Variants in DENND6A observed in about 807,000 individuals in gnomAD.
DENND6A encodes DENN domain containing 6A.
A neutral mutation model predicts 95.5 loss-of-function variants in DENND6A; 43 were observed. That is an observed-to-expected ratio of 0.45 (90% CI 0.35 to 0.58). The LOEUF (loss-of-function observed/expected upper bound fraction) is 0.58, where lower values mean the gene tolerates loss of function less well. Among genes scored for constraint, DENND6A ranks in the 20% least tolerant of loss-of-function variants. The pLI, the probability that DENND6A is intolerant of heterozygous loss-of-function variation, is 0.00. For synonymous variants in DENND6A, 257 were observed against 260.4 expected, an observed-to-expected ratio of 0.99 and a Z score of 0.13; for missense variants, 574 against 736.0, an observed-to-expected ratio of 0.78 and a Z score of 2.55.
chr3:57,677,341 G>T (rs1018890565), intron 1 of DENND6A, among the ~76,000 whole-genome samples: 1 of 151,446 alleles, frequency 6.6e-6, no homozygotes, highest in Non-Finnish European at 1.5e-5. Flanking sequence ...CCTTGAGTCA[G>T]GCTTACCTGT....
intron 12 of DENND6A, among the ~76,000 whole-genome samples, chr3:57,639,131 A>G (rs1456756850): frequency 2.6e-5 from 4 of 152,190 alleles, no homozygotes; most frequent in African/African-American, 9.6e-5. Context: ...ATTTAAATAG[A>G]CATTTCACCA....
intron 9 of DENND6A, among the ~76,000 whole-genome samples, chr3:57,651,088 C>T (rs1346310102): frequency 6.6e-6 from 1 of 152,112 alleles, no homozygotes; most frequent in African/African-American, 2.4e-5. Context: ...CTGGCCCATC[C>T]ACATGGAATA....
At chr3:57,659,313 A>T in intron 7 of DENND6A, 133 bp from the exon 8 acceptor site, 1 of 838,634 alleles carries the variant, frequency 1.2e-6, no homozygotes, top group East Asian at 2.6e-5. Context: ...TGTCAGAGTT[A>T]AAAACTAAGG....
chr3:57,653,725 G>A (rs1479318330), intron 9 of DENND6A, among the ~76,000 whole-genome samples: 21 of 141,630 alleles, frequency 1.5e-4, no homozygotes, highest in Admixed American at 9.2e-4. Flanking sequence ...CGGCCTGGGC[G>A]ACAGAGCGAG....
At chr3:57,669,480 C>T (rs1034339142) in intron 3 of DENND6A, among the ~76,000 whole-genome samples, 2 of 151,900 alleles carry the variant, frequency 1.3e-5, no homozygotes, top group East Asian at 1.9e-4. Context: ...CTTTGGGAGG[C>T]GGAGGTGAGC....
chr3:57,662,978 G>A (rs2071452254), intron 5 of DENND6A, among the ~76,000 whole-genome samples: 1 of 150,294 alleles, frequency 6.7e-6, no homozygotes, highest in Non-Finnish European at 1.5e-5. Flanking sequence ...AATTAGCTGG[G>A]CATGGTAGTG....
chr3:57,690,428 T>TGGGAGGCGGAGCTTGCA (rs568305504), intron 1 of DENND6A, among the ~76,000 whole-genome samples: 129 of 152,044 alleles, frequency 8.5e-4, no homozygotes, highest in East Asian at 6.8e-3. Context: ...GGCGTGAACC[T>TGGGAGGCGGAGCTTGCA]GGGAGGCGGA....
At chr3:57,647,600 A>C (rs1029670759) in intron 9 of DENND6A, among the ~76,000 whole-genome samples, 2 of 152,192 alleles carry the variant, frequency 1.3e-5, no homozygotes, top group Non-Finnish European at 2.9e-5. Flanking sequence ...GTAGCATCAA[A>C]GACAGAATGA....
At chr3:57,682,108 C>A (rs1013847887) in intron 1 of DENND6A, among the ~76,000 whole-genome samples, 1 of 151,866 alleles carries the variant, frequency 6.6e-6, no homozygotes, top group Non-Finnish European at 1.5e-5. Flanking sequence ...ATTGTTAAAC[C>A]ATTTCCTATG....
chr3:57,646,483 C>A (rs369046167), intron 9 of DENND6A, 45 bp from the exon 10 acceptor site: 9 of 1,553,316 alleles, frequency 5.8e-6, no homozygotes, highest in African/African-American at 2.8e-5. Flanking sequence ...TGTAGCCAAT[C>A]CTGTTTTTAA....
intron 1 of DENND6A, chr3:57,679,544 C>G (rs2077141606): frequency 1.1e-5 from 11 of 985,272 alleles, no homozygotes; most frequent in Non-Finnish European, 1.3e-5. Flanking sequence ...TCTTAAGAGG[C>G]AGTGGGGAAG....
intron 9 of DENND6A, among the ~76,000 whole-genome samples, chr3:57,648,010 C>T (rs1274619013): frequency 6.6e-6 from 1 of 151,896 alleles, no homozygotes; most frequent in Non-Finnish European, 1.5e-5. Context: ...GAGTCCTAGC[C>T]AGAGCAATCA....
intron 14 of DENND6A, 72 bp downstream of exon 14, chr3:57,634,486 G>T: frequency 1.2e-6 from 1 of 814,932 alleles, no homozygotes; most frequent in Non-Finnish European, 1.8e-6. Flanking sequence ...ATACATAAAG[G>T]ACATATTGCG....
At chr3:57,681,682 A>T (rs1206368720) in intron 1 of DENND6A, among the ~76,000 whole-genome samples, 3 of 152,102 alleles carry the variant, frequency 2.0e-5, no homozygotes, top group African/African-American at 7.2e-5. Context: ...AATTTTCATT[A>T]AATAATGAAT....
intron 9 of DENND6A, among the ~76,000 whole-genome samples, chr3:57,647,119 T>C (rs1001718496): frequency 6.6e-6 from 1 of 152,196 alleles, no homozygotes; most frequent in East Asian, 1.9e-4. Context: ...GAAAATCTTA[T>C]CTATTTATGA....
intron 15 of DENND6A, among the ~76,000 whole-genome samples, chr3:57,631,456 AGT>A (rs2070671559): frequency 1.3e-5 from 2 of 151,882 alleles, no homozygotes; most frequent in South Asian, 4.2e-4. Context: ...AGCCTCCCAA[AGT>A]GCTGGGATTA....
intron 1 of DENND6A, among the ~76,000 whole-genome samples, chr3:57,679,067 G>A (rs756085864): frequency 3.9e-5 from 6 of 152,218 alleles, no homozygotes; most frequent in Admixed American, 2.6e-4. Context: ...TGGTGCTACC[G>A]CACTCCACCC....
chr3:57,639,565 C>T (rs2070878942), intron 12 of DENND6A, among the ~76,000 whole-genome samples: 1 of 152,162 alleles, frequency 6.6e-6, no homozygotes, highest in Admixed American at 6.5e-5. Flanking sequence ...CATATCATCT[C>T]ATATCCAAGA....
chr3:57,664,810 T>C (rs144801708), intron 4 of DENND6A, among the ~76,000 whole-genome samples: 1 of 152,090 alleles, frequency 6.6e-6, no homozygotes, highest in Admixed American at 6.6e-5. Context: ...TCCAGCCTGG[T>C]GACAGAGCAA....
Sources: gnomAD v4.1 joint callset for allele counts (sites outside exome capture counted in the v4.1 genomes callset) on GRCh38, gnomAD v4.1.1 for gene constraint, MANE v1.5 for transcripts, NCBI Gene and HGNC (gene_info 2026-07-23, HGNC 2026-07-21) for gene names.